TASP1: variants seen among roughly 807,000 people sequenced by gnomAD.
The protein encoded by TASP1 is threonine aspartase 1.
In TASP1, 16 loss-of-function variants were observed where a neutral mutation model predicts 56.6. The observed-to-expected ratio is 0.28, with a 90% CI of 0.19 to 0.43. TASP1 has a LOEUF of 0.43. TASP1 is among the 20% of genes least tolerant of loss of function. The pLI is 1.00. For missense variants in TASP1, 393 were observed against 511.6 expected (o/e 0.77, Z 2.24); for synonymous variants, 179 against 184.2 (o/e 0.97, Z 0.23).
At chr20:13,359,395 T>C in the TASP1 span, among the ~76,000 whole-genome samples, 8 of 151,902 alleles carry the variant, frequency 5.3e-5, no homozygotes, top group Non-Finnish European at 8.8e-5. Flanking sequence ...CAAGGCTCTC[T>C]GACTCCTTCC....
At chr20:13,596,775 T>G (rs1333160535) in intron 4 of TASP1, among the ~76,000 whole-genome samples, 2 of 152,018 alleles carry the variant, frequency 1.3e-5, no homozygotes, top group Non-Finnish European at 1.5e-5. Flanking sequence ...ACAAAATAGA[T>G]AGACTGCTAG....
At chr20:13,224,201 A>T in the TASP1 span, among the ~76,000 whole-genome samples, 1 of 152,186 alleles carries the variant, frequency 6.6e-6, no homozygotes, top group Admixed American at 6.5e-5. Flanking sequence ...TTTTCCAAGC[A>T]GAATGATGAG....
Position 13,589,057 on chromosome 20 carries a change from G to GTT in TASP1, c.283-1689_283-1688dup, listed in dbSNP as rs1222198899. Among the ~76,000 whole-genome samples the GTT allele has an allele frequency of 3.9e-3, 520 of 133,744 alleles. 4 individuals carry two copies. Among genetic ancestry groups the GTT allele is most frequent in the Non-Finnish European group, 6.4e-3 (391 of 61,388 alleles). The allele number at this position is 133,744 out of a possible 152,430, so 87.7% of individuals were successfully genotyped here. ...ATAAAGAAGGTATAGTCTTTCGTGG[G>GTT]TTTTTTTTTTTTTTTTTTGAGATGG... On this transcript the variant is annotated intron_variant, in intron 4 of 13. Transcript: ENST00000337743.
chr20:13,602,156 G>A (rs2047986212), intron 4 of TASP1, among the ~76,000 whole-genome samples: 1 of 151,466 alleles, frequency 6.6e-6, no homozygotes. Context: ...TGGGATTACA[G>A]GCGTGAGCCA....
the TASP1 span, among the ~76,000 whole-genome samples, chr20:13,354,443 G>C: frequency 6.6e-6 from 1 of 152,214 alleles, no homozygotes; most frequent in Non-Finnish European, 1.5e-5. Context: ...GATTGGAAAT[G>C]AGATTTCCAT....
chr20:13,409,046 ATTTAT>A (rs1248334224), intron 13 of TASP1, among the ~76,000 whole-genome samples: 2 of 151,886 alleles, frequency 1.3e-5, no homozygotes, highest in East Asian at 3.8e-4. Flanking sequence ...AGCTTAACTC[ATTTAT>A]TTTAAACTTT....
intron 11 of TASP1, among the ~76,000 whole-genome samples, chr20:13,457,841 T>G (rs896526464): frequency 2.0e-5 from 3 of 152,260 alleles, no homozygotes; most frequent in African/African-American, 7.2e-5. Flanking sequence ...TGATTCCATA[T>G]AAGCAGGGTC....
the TASP1 span, among the ~76,000 whole-genome samples, chr20:13,304,744 C>T: frequency 1.3e-5 from 2 of 152,150 alleles, no homozygotes; most frequent in Non-Finnish European, 1.5e-5. Context: ...CCTCACCCCT[C>T]GAGTGGGGCC....
intron 11 of TASP1, among the ~76,000 whole-genome samples, chr20:13,471,668 C>G (rs985760106): frequency 6.6e-6 from 1 of 152,158 alleles, no homozygotes; most frequent in Admixed American, 6.6e-5. Flanking sequence ...CATCCCACAT[C>G]TTAGAATAAA....
At chr20:13,169,925 T>A in the TASP1 span, among the ~76,000 whole-genome samples, 2 of 152,214 alleles carry the variant, frequency 1.3e-5, no homozygotes, top group African/African-American at 4.8e-5. Context: ...AATTTATTCT[T>A]CTTTTCAACC....
At chr20:13,124,826 A>T in the TASP1 span, among the ~76,000 whole-genome samples, 3 of 152,214 alleles carry the variant, frequency 2.0e-5, no homozygotes, top group Non-Finnish European at 4.4e-5. Flanking sequence ...CAGGCTCGGA[A>T]GTGGGAATGA....
chr20:13,607,706 A>T (rs896744446), intron 4 of TASP1, among the ~76,000 whole-genome samples: 4 of 152,374 alleles, frequency 2.6e-5, no homozygotes, highest in East Asian at 1.9e-4. Flanking sequence ...GAAATAAAGT[A>T]GAATATATAA....
At chr20:13,368,629 G>A in the TASP1 span, 3 of 152,204 alleles carry the variant, frequency 2.0e-5, no homozygotes, top group Non-Finnish European at 4.4e-5. Flanking sequence ...GATAGTGGTG[G>A]TTGCAAATTA....
At chr20:13,626,569 C>T (rs563315343) in intron 2 of TASP1, among the ~76,000 whole-genome samples, 1 of 152,196 alleles carries the variant, frequency 6.6e-6, no homozygotes, top group African/African-American at 2.4e-5. Context: ...AGAGAAAGCA[C>T]TCACCCACGA....
chr20:13,323,287 G>A, the TASP1 span, among the ~76,000 whole-genome samples: 2 of 152,174 alleles, frequency 1.3e-5, no homozygotes, highest in Admixed American at 1.3e-4. Flanking sequence ...GAAGACTAGG[G>A]ACTGGTCCAA....
the TASP1 span, among the ~76,000 whole-genome samples, chr20:13,189,942 C>T: frequency 6.6e-6 from 1 of 152,146 alleles, no homozygotes; most frequent in Non-Finnish European, 1.5e-5. Flanking sequence ...AAATGTGTTA[C>T]ATATACACCA....
At chr20:13,590,651 A>C (rs1194747697) in intron 4 of TASP1, among the ~76,000 whole-genome samples, 1 of 152,142 alleles carries the variant, frequency 6.6e-6, no homozygotes, top group Admixed American at 6.5e-5. Flanking sequence ...GAGGATTACA[A>C]GGTCAGGCAT....
At chr20:13,223,951 G>T in the TASP1 span, among the ~76,000 whole-genome samples, 1 of 151,990 alleles carries the variant, frequency 6.6e-6, no homozygotes, top group Non-Finnish European at 1.5e-5. Context: ...GGCCTTTTCC[G>T]CTTGAACAGT....
intron 1 of TASP1, among the ~76,000 whole-genome samples, chr20:13,636,501 G>T (rs2049316720): frequency 6.6e-6 from 1 of 151,808 alleles, no homozygotes; most frequent in Non-Finnish European, 1.5e-5. Flanking sequence ...AAGGTTTAAT[G>T]CCTCATTAAA....
Sources: gnomAD v4.1 joint callset for allele counts (sites outside exome capture counted in the v4.1 genomes callset) on GRCh38, gnomAD v4.1.1 for gene constraint, MANE v1.5 for transcripts, NCBI Gene and HGNC (gene_info 2026-07-23, HGNC 2026-07-21) for gene names.